Variants in BTBD3 observed in about 807,000 individuals in gnomAD.
BTBD3 encodes the protein BTB domain containing 3.
BTBD3 carries 14 observed loss-of-function variants against 41.6 expected under a neutral mutation model. That is an observed-to-expected ratio of 0.34 (90% CI 0.22 to 0.53). BTBD3 has a LOEUF of 0.53. Among genes scored for constraint, BTBD3 ranks in the 20% least tolerant of loss-of-function variants. The probability of loss-of-function intolerance (pLI) is 0.95; values close to 1 mark genes in which losing one functional copy is unlikely to be tolerated. For missense variants in BTBD3, 426 were observed against 654.7 expected (o/e 0.65, Z 3.81); for synonymous variants, 249 against 233.7 (o/e 1.07, Z -0.60).
chr20:11,908,614 G>A (rs1568611459), intron 1 of BTBD3, among the ~76,000 whole-genome samples: 1 of 151,550 alleles, frequency 6.6e-6, no homozygotes, highest in Admixed American at 6.6e-5. Context: ...TACTTATATA[G>A]TAGCTCTTAA....
rs2056994654 is a variant in BTBD3 at position 11,923,888 on chromosome 20, CT to C, written c.*225del. 2.1e-6 allele frequency: 1 copy of C among 486,728 alleles called. No homozygotes were observed. The highest frequency in any genetic ancestry group is 2.0e-5 in the African/African-American group (1 of 51,116). 30.2% of individuals were successfully genotyped at this position (486,728 alleles called of 1,614,324 possible). ...AAAAGAGCTAACGTTCTTATTAAGG[CT>C]TTGTGGTTTTTAGAGTTGCATCTAT... On this transcript the variant is annotated 3_prime_UTR_variant, in exon 4 of 4. Coordinates refer to ENST00000378226, the MANE Select transcript of BTBD3 (RefSeq NM_014962.4). The surrounding 1 kb of genome is among the most constrained non-coding windows in gnomAD (Gnocchi z 5.3).
chr20:11,911,118 C>G (rs1470650568), intron 1 of BTBD3, among the ~76,000 whole-genome samples: 1 of 145,840 alleles, frequency 6.9e-6, no homozygotes, highest in African/African-American at 2.5e-5. Flanking sequence ...GTAAGACATG[C>G]CATTACTTTA....
chr20:11,922,911 A>G lies in BTBD3; in HGVS notation c.814A>G (p.Ile272Val). 3.1e-6 allele frequency: 5 copies of G among 1,614,232 alleles called. No homozygotes were observed. The highest frequency in any genetic ancestry group is 4.2e-6 in the Non-Finnish European group (5 of 1,180,048). Residue 272 changes from isoleucine to valine, a missense_variant, in exon 4 of 4, where the codon ATT becomes GTT. Ile to Val is a conservative substitution (Grantham distance 29). Coordinates refer to ENST00000378226, the MANE Select transcript of BTBD3 (RefSeq NM_014962.4). ...CDIDFQTLES[I>V]LRRETLNAKE... The stretch of plus-strand genomic sequence containing the variant: ...TATTGACTTCCAGACACTAGAAAGT[A>G]TTCTCCGTAGGGAAACTCTGAATGC...
chr20:11,919,613 A>G, intron 2 of BTBD3, 105 bp from the exon 3 acceptor site: 3 of 1,277,804 alleles, frequency 2.3e-6, no homozygotes, highest in Non-Finnish European at 2.2e-6. Context: ...GATTTTAGGT[A>G]CGCTATGTTT....
In BTBD3 at chr20:11,923,797, A is replaced by G; in HGVS notation, c.*131A>G. 2 of 903,668 alleles carry G rather than the reference A, an allele frequency of 2.2e-6. No individual in the cohort carries two copies. Among genetic ancestry groups the G allele is most frequent in the South Asian group, 3.5e-5 (2 of 56,552 alleles). The allele number at this position is 903,668 out of a possible 1,614,324, so 56.0% of individuals were successfully genotyped here. ...ATGAATGAAGCGGTAGGCAGGTTCT[A>G]ATTTCTTTTAACCTTTTAATTATGT... On this transcript the variant is annotated 3_prime_UTR_variant, in exon 4 of 4. Transcript: ENST00000378226. This position sits in a 1 kb window ranked among gnomAD's most constrained non-coding sequence, Gnocchi z 5.3.
chr20:11,899,087 T>C (rs1402018733), intron 1 of BTBD3, among the ~76,000 whole-genome samples: 1 of 152,210 alleles, frequency 6.6e-6, no homozygotes, highest in Non-Finnish European at 1.5e-5. Context: ...TATTTGTCCC[T>C]TAATGTGGGT....
At chr20:11,914,114 G>A (rs147752221), upstream of BTBD3, among the ~76,000 whole-genome samples, 36 of 152,282 alleles carry the variant, frequency 2.4e-4, no homozygotes, top group East Asian at 5.8e-3. Context: ...AGAAACAAGT[G>A]ATAAAATGCC....
chr20:11,909,367 A>G (rs1433631325), intron 1 of BTBD3: 1 of 151,838 alleles, frequency 6.6e-6, no homozygotes, highest in Non-Finnish European at 1.5e-5. Flanking sequence ...TGGTTTCTGT[A>G]ATAATGCTCT....
At chr20:11,899,325 T>C (rs2056809754) in intron 1 of BTBD3, among the ~76,000 whole-genome samples, 1 of 152,198 alleles carries the variant, frequency 6.6e-6, no homozygotes, top group African/African-American at 2.4e-5. Context: ...AATGTTGTAG[T>C]CATCCCTACA....
At chr20:11,919,619 T>C in intron 2 of BTBD3, 99 bp from the exon 3 acceptor site, 1 of 1,319,788 alleles carries the variant, frequency 7.6e-7, no homozygotes, top group African/African-American at 1.5e-5. Flanking sequence ...AGGTACGCTA[T>C]GTTTACTAAA....
intron 1 of BTBD3, among the ~76,000 whole-genome samples, chr20:11,905,114 A>G (rs147192910): frequency 3.0e-4 from 46 of 152,328 alleles, no homozygotes; most frequent in African/African-American, 1.1e-3. Flanking sequence ...GGTGTAATCA[A>G]GGTTTCCAAA....
chr20:11,918,020 G>C lies in BTBD3; in HGVS notation c.-256G>C. The C allele has an allele frequency of 8.2e-7, 1 of 1,215,286 alleles. No homozygotes were observed. Among genetic ancestry groups the C allele is most frequent in the Non-Finnish European group, 1.0e-6 (1 of 976,962 alleles). The allele number at this position is 1,215,286 out of a possible 1,614,324, so 75.3% of individuals were successfully genotyped here. ...CAGTGTAGCATTTTCAGGTGATCTA[G>C]GAAACAGTTATTTTTATGAGCAAAT... On this transcript the variant is annotated 5_prime_UTR_variant, in exon 1 of 4. Transcript: ENST00000378226.
At chr20:11,897,493 A>G (rs2122176329) in intron 1 of BTBD3, among the ~76,000 whole-genome samples, 1 of 149,184 alleles carries the variant, frequency 6.7e-6, no homozygotes, top group South Asian at 2.1e-4. Flanking sequence ...GCAAAAAAAA[A>G]AAAAAAAAAA....
At position 11,922,825 on chromosome 20, in the gene BTBD3, G is replaced by T; in HGVS notation, c.728G>T (p.Arg243Leu). 6.2e-7 allele frequency: 1 copy of T among 1,614,198 alleles called. No individual in the cohort carries two copies. Residue 243 changes from arginine to leucine, a missense_variant, in exon 4 of 4, where the codon CGT becomes CTT. By Grantham distance (102) the Arg-to-Leu change is moderately radical. This residue lies in a region of BTBD3 where 321 missense variants were observed against 534.8 expected (regional missense o/e 0.60). Transcript: ENST00000378226. ...CLFEEPDLTQ[R>L]CWEVIDAQAE... ...TTCGAGGAGCCAGACCTGACCCAGC[G>T]TTGCTGGGAGGTGATTGATGCCCAG...
intron 2 of BTBD3, 39 bp downstream of exon 2, chr20:11,919,215 T>C: frequency 6.4e-7 from 1 of 1,569,810 alleles, no homozygotes; most frequent in Non-Finnish European, 8.7e-7. Context: ...TCCTGACGTT[T>C]ACAAAGAGGG....
At position 11,909,008 on chromosome 20, in the gene BTBD3, G is replaced by C. The variant is rs142416740; in HGVS notation, c.-125-9326G>C. Among the ~76,000 whole-genome samples, 755 of 152,180 alleles carry C rather than the reference G, an allele frequency of 5.0e-3. 8 individuals carry two copies. The highest frequency in any genetic ancestry group is 0.018 in the African/African-American group (729 of 41,510). ...CATGCCTGTAATTCCAGTACTTTGG[G>C]AGGCCTAGGCGGGTGGATCACATGA... On this transcript the variant is annotated intron_variant, in intron 1 of 4. Coordinates refer to the BTBD3 transcript ENST00000254977.
At chr20:11,917,698 A>AT (rs16996734), upstream of BTBD3, 110,873 of 153,204 alleles carry the variant, frequency 0.72, 40,469 homozygotes, top group Non-Finnish European at 0.76. Context: ...TTCATATGTT[A>AT]TTATCTTGTT....
chr20:11,906,872 C>T (rs1428121258), intron 1 of BTBD3, among the ~76,000 whole-genome samples: 4 of 152,128 alleles, frequency 2.6e-5, no homozygotes, highest in African/African-American at 7.2e-5. Flanking sequence ...GGAAATTCAT[C>T]GATTCAGTGT....
chr20:11,918,375 A>C lies in BTBD3; in HGVS notation c.100A>C (p.Asn34His), dbSNP rs570438301. 8 of 1,614,166 alleles carry C rather than the reference A, an allele frequency of 5.0e-6. No individual in the cohort carries two copies. The African/African-American group carries it at 9.3e-5, about 19-fold the overall frequency. ...NRSKKSSKKA[N>H]TSSSSSNSSK... ...GTCCAAGAAAAGCTCAAAGAAAGCA[A>C]ATACCAGCAGCAGCAGTAGCAACAG... The change falls in exon 1 of 4, where the codon AAT becomes CAT. Residue 34 changes from asparagine (N) to histidine (H), a missense_variant. Asn to His is a moderately conservative substitution (Grantham distance 68, BLOSUM62 1). Coordinates refer to ENST00000378226, the MANE Select transcript of BTBD3 (RefSeq NM_014962.4).
Sources: gnomAD v4.1 joint callset for allele counts (sites outside exome capture counted in the v4.1 genomes callset) on GRCh38, gnomAD v4.1.1 for gene constraint, gnomAD v4.1.1 regional missense constraint, Gnocchi (gnomAD v3.1) non-coding constraint, MANE v1.5 for transcripts, NCBI Gene and HGNC (gene_info 2026-07-23, HGNC 2026-07-21) for gene names.